The following CEP135 variants were observed in gnomAD, a reference collection of about 807,000 sequenced individuals.
CEP135 encodes centrosomal protein 135.
A neutral mutation model predicts 157.3 loss-of-function variants in CEP135; 142 were observed. The observed-to-expected ratio is 0.90, with a 90% CI of 0.79 to 1.04. The LOEUF is 1.04. Among genes scored for constraint, CEP135 ranks in the 50% least tolerant of loss-of-function variants. The pLI is 0.00. For synonymous variants in CEP135, 396 were observed against 439.8 expected (o/e 0.90, Z 1.25); for missense variants, 1,317 against 1,309.2 (o/e 1.01, Z -0.09).
chr4:55,950,149 A>G (rs1488400049), intron 1 of CEP135, among the ~76,000 whole-genome samples: 1 of 152,250 alleles, frequency 6.6e-6, no homozygotes, highest in Non-Finnish European at 1.5e-5. Flanking sequence ...AAAGTTAACA[A>G]GAGCAAAGAG....
Position 56,019,477 on chromosome 4 carries a change from A to T in CEP135, c.3137A>T (p.His1046Leu), listed in dbSNP as rs1159963248. ...GCTACAAACAGAGATAAAGAATTTC[A>T]TTCTCACTTAACCTCCCACGAGAAG... ...LLATNRDKEFHSHLTSHEKDT... is the reference protein window; with the variant it reads ...LLATNRDKEFLSHLTSHEKDT... The change falls in exon 23 of 26, where the codon CAT becomes CTT. Residue 1046 changes from histidine to leucine, a missense_variant. Coordinates refer to ENST00000257287, the MANE Select transcript of CEP135 (RefSeq NM_025009.5). 3 of 1,613,992 alleles carry T rather than the reference A, an allele frequency of 1.9e-6. No homozygotes were observed. The highest frequency in any genetic ancestry group is 2.5e-6 in the Non-Finnish European group (3 of 1,180,004).
At chr4:55,993,582 A>T (rs1729866804) in intron 15 of CEP135, among the ~76,000 whole-genome samples, 1 of 152,174 alleles carries the variant, frequency 6.6e-6, no homozygotes, top group African/African-American at 2.4e-5. Flanking sequence ...CCTCTGGCTC[A>T]TGTCTGGATT....
intron 14 of CEP135, among the ~76,000 whole-genome samples, chr4:55,990,606 C>T (rs181327927): frequency 3.6e-4 from 54 of 152,022 alleles, no homozygotes; most frequent in Non-Finnish European, 6.9e-4. Flanking sequence ...AGCAATCCTC[C>T]CACCTCTTCA....
Position 55,953,242 on chromosome 4 carries a change from A to G in CEP135, c.271A>G (p.Lys91Glu). Reference sequence around the variant, plus strand: ...TAATGAATTATACCTAGAGTTAATGAAACTGAGAGAACATTCAGACCAACA... The same window carrying G: ...TAATGAATTATACCTAGAGTTAATGGAACTGAGAGAACATTCAGACCAACA... ...ENNELYLELM[K>E]LREHSDQHVK... Residue 91 changes from lysine to glutamate, a missense_variant, in exon 3 of 26, where the codon AAA becomes GAA. Coordinates refer to ENST00000257287, the MANE Select transcript of CEP135 (RefSeq NM_025009.5). 1.3e-6 allele frequency: 2 copies of G among 1,564,526 alleles called. No individual in the cohort carries two copies. Among genetic ancestry groups the G allele is most frequent in the Non-Finnish European group, 1.7e-6 (2 of 1,161,674 alleles).
In CEP135 at chr4:56,024,570, T is replaced by A; in HGVS notation, c.3390T>A (p.Ser1130=). 6.2e-7 allele frequency: 1 copy of A among 1,613,600 alleles called. No individual in the cohort carries two copies. Among genetic ancestry groups the A allele is most frequent in the South Asian group, 1.1e-5 (1 of 91,060 alleles). Residue 1130 remains serine, a synonymous_variant, in exon 25 of 26, where the codon TCT becomes TCA. Transcript: ENST00000257287. ...CACCCCTTAGTTCCACTCTGAGGTC[T>A]CCTTCACATTCTCCTGAACATAGAA... is the stretch of plus-strand genomic sequence containing the variant. ...ATPPLSSTLR[S]PSHSPEHRNV
At chr4:56,030,861 A>T (rs1354797327) in intron 25 of CEP135, among the ~76,000 whole-genome samples, 1 of 152,190 alleles carries the variant, frequency 6.6e-6, no homozygotes, top group Admixed American at 6.5e-5. Flanking sequence ...CAAAAGTATA[A>T]GCCAGGCAGG....
At chr4:55,958,275 A>C (rs1728566361) in intron 5 of CEP135, among the ~76,000 whole-genome samples, 1 of 152,150 alleles carries the variant, frequency 6.6e-6, no homozygotes, top group Admixed American at 6.5e-5. Context: ...TCTCTACAAA[A>C]AATTTAAAAA....
chr4:55,969,454 G>T (rs1038181209), intron 9 of CEP135, among the ~76,000 whole-genome samples: 1 of 145,044 alleles, frequency 6.9e-6, no homozygotes, highest in Non-Finnish European at 1.5e-5. Context: ...AAAAAGAAAA[G>T]AAAATTTGTA....
intron 21 of CEP135, among the ~76,000 whole-genome samples, chr4:56,012,818 C>T (rs1343073276): frequency 6.6e-6 from 1 of 152,112 alleles, no homozygotes; most frequent in Non-Finnish European, 1.5e-5. Context: ...TTGTTTCTAC[C>T]TTTTGGCTGT....
At position 56,024,110 on chromosome 4, in the gene CEP135, A is replaced by G. The variant is rs973329663; in HGVS notation, c.3321-391A>G. Among the ~76,000 whole-genome samples, 10 of 144,414 alleles carry G rather than the reference A, an allele frequency of 6.9e-5. No homozygotes were observed. In the East Asian group the frequency reaches 2.0e-3, roughly 29 times the overall value. 94.7% of individuals were successfully genotyped at this position (144,414 alleles called of 152,430 possible). A position where few individuals can be genotyped will look rare whatever the true frequency, so the allele number is the denominator to read the frequency against. The stretch of plus-strand genomic sequence containing the variant: ...TATATTAGTATTAGTTATATGGTAT[A>G]GTATATAGTATATTAGTATATATAT... On this transcript the variant is annotated intron_variant, in intron 24 of 25. Coordinates refer to ENST00000257287, the MANE Select transcript of CEP135 (RefSeq NM_025009.5).
chr4:55,974,930 C>G lies in CEP135; in HGVS notation c.1434C>G (p.Ser478Arg). 2 of 1,607,524 alleles carry G rather than the reference C, an allele frequency of 1.2e-6. No individual in the cohort carries two copies. The highest frequency in any genetic ancestry group is 2.2e-5 in the East Asian group (1 of 44,726). ...GAAGATCTTGCTCTACAAGTTATAG[C>G]GCACGTGAAAAAAGTTCAATATTTA... is the stretch of plus-strand genomic sequence containing the variant. The part of the protein sequence containing the change: ...IQRRSCSTSY[S>R]AREKSSIFRT... The change falls in exon 11 of 26, where the codon AGC becomes AGG. Residue 478 changes from serine to arginine, a missense_variant. Physicochemically the swap from Ser to Arg is moderately radical, Grantham distance 110. Coordinates refer to ENST00000257287, the MANE Select transcript of CEP135 (RefSeq NM_025009.5).
intron 25 of CEP135, among the ~76,000 whole-genome samples, chr4:56,028,084 A>T (rs1171357711): frequency 6.6e-6 from 1 of 152,158 alleles, no homozygotes; most frequent in Admixed American, 6.5e-5. Context: ...AGGTTCATCC[A>T]TATTGTAGGA....
intron 9 of CEP135, among the ~76,000 whole-genome samples, chr4:55,970,409 A>T (rs1436370582): frequency 6.6e-6 from 1 of 152,222 alleles, no homozygotes. Context: ...AACCTGTTGA[A>T]TTGGAAGAGT....
chr4:55,952,340 T>C lies in CEP135; in HGVS notation c.113+97T>C, dbSNP rs989874308. 71 of 723,472 alleles carry C rather than the reference T, an allele frequency of 9.8e-5. No homozygotes were observed. In the African/African-American group the frequency reaches 1.2e-3, roughly 13 times the overall value. The allele number at this position is 723,472 out of a possible 1,614,324, so 44.8% of individuals were successfully genotyped here. Reference sequence around the variant, plus strand: ...GCTTTGGTAAAGAAAAGGGTAGCTTTCCGGAAAGGCTTTCAATCATGAAGC... The same window carrying C: ...GCTTTGGTAAAGAAAAGGGTAGCTTCCCGGAAAGGCTTTCAATCATGAAGC... On this transcript the variant is annotated intron_variant, in intron 2 of 25. Transcript: ENST00000257287.
At chr4:56,014,497 G>T (rs1180711864) in intron 21 of CEP135, among the ~76,000 whole-genome samples, 1 of 152,202 alleles carries the variant, frequency 6.6e-6, no homozygotes, top group Non-Finnish European at 1.5e-5. Flanking sequence ...TTCCTCTGGT[G>T]ATGTCTCAGA....
At chr4:55,975,065 T>C in intron 11 of CEP135, 96 bp downstream of exon 11, 2 of 895,908 alleles carry the variant, frequency 2.2e-6, no homozygotes, top group Non-Finnish European at 3.3e-6. Context: ...TCGTACTTGC[T>C]TTGAAAAATC....
chr4:56,023,056 A>AC (rs1301565234), intron 24 of CEP135, among the ~76,000 whole-genome samples: 1 of 152,016 alleles, frequency 6.6e-6, no homozygotes. Flanking sequence ...ACATAGTATG[A>AC]CCCCTATCTC....
chr4:55,953,483 T>C (rs1373926911), intron 3 of CEP135, among the ~76,000 whole-genome samples: 1 of 151,802 alleles, frequency 6.6e-6, no homozygotes, highest in African/African-American at 2.4e-5. Flanking sequence ...CTAGGCAACA[T>C]AGTGAGAACT....
At chr4:56,009,458 A>G (rs1008390842) in intron 18 of CEP135, among the ~76,000 whole-genome samples, 1 of 152,136 alleles carries the variant, frequency 6.6e-6, no homozygotes, top group Non-Finnish European at 1.5e-5. Context: ...CACCGCGCCC[A>G]GCCCCCAAGC....
Sources: gnomAD v4.1 joint callset for allele counts (sites outside exome capture counted in the v4.1 genomes callset) on GRCh38, gnomAD v4.1.1 for gene constraint, MANE v1.5 for transcripts, NCBI Gene and HGNC (gene_info 2026-07-23, HGNC 2026-07-21) for gene names.